Variants in SGCZ observed in about 807,000 individuals in gnomAD.
SGCZ encodes the protein sarcoglycan zeta.
SGCZ carries 40 observed loss-of-function variants against 41.3 expected under a neutral mutation model. The observed-to-expected ratio is 0.97, with a 90% CI of 0.75 to 1.26. The LOEUF is 1.26. Ranked by LOEUF, SGCZ falls within the 50% of genes most tolerant of loss-of-function variation. The pLI is 0.00. For missense variants in SGCZ, 552 were observed against 369.8 expected (o/e 1.49, Z -4.04); for synonymous variants, 206 against 137.5 (o/e 1.50, Z -3.49).
At chr8:14,711,854 G>A (rs1465697972) in intron 1 of SGCZ, among the ~76,000 whole-genome samples, 1 of 152,140 alleles carries the variant, frequency 6.6e-6, no homozygotes, top group Non-Finnish European at 1.5e-5. Flanking sequence ...TTGTTTGCTT[G>A]TTTGGTTTTT....
chr8:14,974,619 T>C (rs1801405155), intron 1 of SGCZ, among the ~76,000 whole-genome samples: 1 of 152,138 alleles, frequency 6.6e-6, no homozygotes, highest in Non-Finnish European at 1.5e-5. Context: ...CTTCAGTGTT[T>C]TTTGAAGCTC....
chr8:14,574,027 G>A (rs1264374969), intron 1 of SGCZ, among the ~76,000 whole-genome samples: 2 of 152,170 alleles, frequency 1.3e-5, no homozygotes, highest in East Asian at 1.9e-4. Context: ...GGGAGCTATG[G>A]GTCCCATAGC....
intron 1 of SGCZ, among the ~76,000 whole-genome samples, chr8:15,036,481 T>C (rs1386837027): frequency 6.6e-6 from 1 of 151,942 alleles, no homozygotes; most frequent in African/African-American, 2.4e-5. Flanking sequence ...GGTGATAAAA[T>C]AATCAGTACA....
intron 1 of SGCZ, among the ~76,000 whole-genome samples, chr8:14,626,043 G>A (rs1335840784): frequency 6.6e-6 from 1 of 152,220 alleles, no homozygotes; most frequent in East Asian, 1.9e-4. Context: ...ATGAGGAATA[G>A]TGGCTTTTAT....
At chr8:14,808,770 C>T (rs1801637976) in intron 1 of SGCZ, among the ~76,000 whole-genome samples, 3 of 151,858 alleles carry the variant, frequency 2.0e-5, no homozygotes. Flanking sequence ...GCTATAAAGA[C>T]ACATGCACAC....
At chr8:15,075,225 CAA>C (rs11317842) in intron 1 of SGCZ, among the ~76,000 whole-genome samples, 15,857 of 149,340 alleles carry the variant, frequency 0.11, 1,125 homozygotes, top group African/African-American at 0.21. Context: ...AGTAGTCAGA[CAA>C]AAAAAAAAAA....
intron 3 of SGCZ, among the ~76,000 whole-genome samples, chr8:14,306,147 C>G (rs1023173276): frequency 6.6e-6 from 1 of 152,120 alleles, no homozygotes; most frequent in Non-Finnish European, 1.5e-5. Context: ...CTAACTGAAT[C>G]CATCATTACA....
Position 15,176,679 on chromosome 8 carries a change from T to G in SGCZ, c.39+60906A>C, listed in dbSNP as rs186030188. Among the ~76,000 whole-genome samples, 867 of 152,318 alleles carry G rather than the reference T, an allele frequency of 5.7e-3. 11 individuals are homozygous for G. Among genetic ancestry groups the G allele is most frequent in the African/African-American group, 0.02 (828 of 41,580 alleles). ...TACAGAACAGTTTTCTCCTAATAAT[T>G]TCCTCAGATAGTCAAACCTTATCAA... On this transcript the variant is annotated intron_variant, in intron 1 of 7. Transcript: ENST00000382080.
At chr8:15,080,460 C>A (rs1242608942) in intron 1 of SGCZ, among the ~76,000 whole-genome samples, 2 of 152,064 alleles carry the variant, frequency 1.3e-5, no homozygotes, top group Non-Finnish European at 2.9e-5. Flanking sequence ...ATTGTGCACC[C>A]CCAACGCCAG....
chr8:14,347,229 T>C (rs1184760057), intron 2 of SGCZ, among the ~76,000 whole-genome samples: 1 of 152,140 alleles, frequency 6.6e-6, no homozygotes, highest in African/African-American at 2.4e-5. Context: ...AGACTTCATA[T>C]TGAGCTAATA....
At chr8:15,111,912 A>AC (rs908439177) in intron 1 of SGCZ, among the ~76,000 whole-genome samples, 1 of 151,848 alleles carries the variant, frequency 6.6e-6, no homozygotes, top group African/African-American at 2.4e-5. Flanking sequence ...AAAAAAAAAA[A>AC]AAATCCCTCC....
intron 1 of SGCZ, among the ~76,000 whole-genome samples, chr8:14,856,361 G>A (rs1260081883): frequency 6.6e-6 from 1 of 152,152 alleles, no homozygotes; most frequent in Non-Finnish European, 1.5e-5. Flanking sequence ...TAAAGGTTAG[G>A]GTTTGAGGCA....
intron 2 of SGCZ, among the ~76,000 whole-genome samples, chr8:14,356,809 G>A (rs182515271): frequency 2.0e-5 from 3 of 151,664 alleles, no homozygotes; most frequent in Non-Finnish European, 2.9e-5. Context: ...ATAACCACTT[G>A]GTTTTTAATA....
intron 1 of SGCZ, among the ~76,000 whole-genome samples, chr8:15,175,382 G>T (rs1400044357): frequency 6.6e-6 from 1 of 152,052 alleles, no homozygotes. Context: ...CATGTCCTTT[G>T]CAGGGACATG....
At chr8:14,214,459 G>C (rs1805922685) in intron 4 of SGCZ, among the ~76,000 whole-genome samples, 1 of 152,040 alleles carries the variant, frequency 6.6e-6, no homozygotes, top group East Asian at 1.9e-4. Flanking sequence ...CATCAATAGT[G>C]ACAAATGTAC....
chr8:14,670,651 A>G (rs1383643169), intron 1 of SGCZ, among the ~76,000 whole-genome samples: 1 of 152,206 alleles, frequency 6.6e-6, no homozygotes, highest in Admixed American at 6.5e-5. Context: ...CACAATGTAT[A>G]ATATTAAGAA....
chr8:14,597,910 A>T (rs1025027018), intron 1 of SGCZ, among the ~76,000 whole-genome samples: 4 of 152,192 alleles, frequency 2.6e-5, no homozygotes, highest in African/African-American at 7.2e-5. Flanking sequence ...TACAAAACCT[A>T]TTCCTTTTGC....
chr8:14,960,325 T>C (rs1800924120), intron 1 of SGCZ, among the ~76,000 whole-genome samples: 1 of 152,090 alleles, frequency 6.6e-6, no homozygotes, highest in South Asian at 2.1e-4. Context: ...AGCCACAGGT[T>C]GAGACACCAT....
chr8:14,570,946 TTAAA>T (rs778281328), intron 1 of SGCZ, among the ~76,000 whole-genome samples: 1 of 152,188 alleles, frequency 6.6e-6, no homozygotes, highest in Non-Finnish European at 1.5e-5. Flanking sequence ...TTTACAGATA[TTAAA>T]TAAATAAAAT....
Sources: gnomAD v4.1 joint callset for allele counts (sites outside exome capture counted in the v4.1 genomes callset) on GRCh38, gnomAD v4.1.1 for gene constraint, MANE v1.5 for transcripts, NCBI Gene and HGNC (gene_info 2026-07-23, HGNC 2026-07-21) for gene names.